PDGFC: variants seen among roughly 807,000 people sequenced by gnomAD.
The protein encoded by PDGFC is platelet derived growth factor C.
PDGFC carries 12 observed loss-of-function variants against 35.5 expected under a neutral mutation model. The ratio of observed to expected loss-of-function variants is 0.34; its 90% CI spans 0.22 to 0.55. The LOEUF (loss-of-function observed/expected upper bound fraction) is 0.55. Among genes scored for constraint, PDGFC ranks in the 20% least tolerant of loss-of-function variants. The pLI, the probability that PDGFC is intolerant of heterozygous loss-of-function variation, is 0.91. For synonymous variants in PDGFC, 159 were observed against 148.8 expected (o/e 1.07, Z -0.50); for missense variants, 322 against 412.4 (o/e 0.78, Z 1.90).
chr4:156,920,774 T>A lies in PDGFC; in HGVS notation c.118+50012A>T, dbSNP rs139852086. 3.5e-3 allele frequency among the ~76,000 whole-genome samples: 528 copies of A among 152,238 alleles called. 4 individuals are homozygous for A. Among genetic ancestry groups the A allele is most frequent in the African/African-American group, 0.012 (499 of 41,552 alleles). ...TCTGGCCAAGCCTAAATAAAAACTA[T>A]AATTGCCAACCTTTTTCTACTTTTC... is the stretch of plus-strand genomic sequence containing the variant. On this transcript the variant is annotated intron_variant, in intron 1 of 5. Transcript: ENST00000502773.
intron 1 of PDGFC, among the ~76,000 whole-genome samples, chr4:156,927,229 T>A (rs1731436207): frequency 6.6e-6 from 1 of 152,104 alleles, no homozygotes; most frequent in African/African-American, 2.4e-5. Flanking sequence ...TTTTTCCTCC[T>A]AGGTTTCCAG....
At chr4:156,831,736 C>T (rs1242144702) in intron 2 of PDGFC, among the ~76,000 whole-genome samples, 2 of 151,820 alleles carry the variant, frequency 1.3e-5, no homozygotes, top group Non-Finnish European at 2.9e-5. Context: ...GCTACCACAC[C>T]CGGCCAACCC....
In PDGFC at chr4:156,875,726, T is replaced by C. The variant is rs111622834; in HGVS notation, c.119-25310A>G. On this transcript the variant is annotated intron_variant, in intron 1 of 5. Coordinates refer to ENST00000502773, the MANE Select transcript of PDGFC (RefSeq NM_016205.3). Reference sequence around the variant, plus strand: ...TGAGGTCAGGAGTTTGAGAACAGACTGGCCAACATGGTGAAACCCCATCTC... The same window carrying C: ...TGAGGTCAGGAGTTTGAGAACAGACCGGCCAACATGGTGAAACCCCATCTC... Among the ~76,000 whole-genome samples, 715 of 152,220 alleles carry C rather than the reference T, an allele frequency of 4.7e-3. 4 individuals are homozygous for C. Among genetic ancestry groups the C allele is most frequent in the African/African-American group, 0.016 (661 of 41,550 alleles).
At chr4:156,901,167 G>T (rs1730772616) in intron 1 of PDGFC, among the ~76,000 whole-genome samples, 1 of 152,094 alleles carries the variant, frequency 6.6e-6, no homozygotes. Context: ...CCCACCCATA[G>T]AGATTCCATT....
At chr4:156,840,167 T>C (rs1240150614) in intron 2 of PDGFC, among the ~76,000 whole-genome samples, 2 of 152,122 alleles carry the variant, frequency 1.3e-5, no homozygotes, top group Non-Finnish European at 2.9e-5. Context: ...CCAGGGAATG[T>C]CACAGACCTT....
chr4:156,868,304 AAATT>A (rs1276708229), intron 1 of PDGFC, among the ~76,000 whole-genome samples: 1 of 152,244 alleles, frequency 6.6e-6, no homozygotes, highest in Non-Finnish European at 1.5e-5. Context: ...ATGTAATGCA[AAATT>A]AATTGTTGAG....
chr4:156,896,337 A>G (rs1730632994), intron 1 of PDGFC, among the ~76,000 whole-genome samples: 1 of 152,208 alleles, frequency 6.6e-6, no homozygotes, highest in African/African-American at 2.4e-5. Flanking sequence ...AGATGCTTTC[A>G]TAAGTCCATT....
intron 1 of PDGFC, among the ~76,000 whole-genome samples, chr4:156,872,422 C>G (rs150765022): frequency 6.6e-6 from 1 of 152,118 alleles, no homozygotes; most frequent in African/African-American, 2.4e-5. Flanking sequence ...TTGATGCACT[C>G]CAATTGGAAC....
chr4:156,797,238 AAAAAAAAAAAG>A (rs1478556784), intron 3 of PDGFC, among the ~76,000 whole-genome samples: 1 of 147,992 alleles, frequency 6.8e-6, no homozygotes, highest in African/African-American at 2.5e-5. Context: ...AATCAGTCTA[AAAAAAAAAAAG>A]AAAAAAAAAA....
chr4:156,902,196 C>A (rs898976697), intron 1 of PDGFC, among the ~76,000 whole-genome samples: 1 of 152,208 alleles, frequency 6.6e-6, no homozygotes, highest in African/African-American at 2.4e-5. Flanking sequence ...CTGTCTTCTA[C>A]ATATCTTGTT....
intron 1 of PDGFC, among the ~76,000 whole-genome samples, chr4:156,944,775 C>T (rs1477172160): frequency 6.6e-6 from 1 of 152,112 alleles, no homozygotes; most frequent in Non-Finnish European, 1.5e-5. Context: ...AAGTCACTAT[C>T]ACGGCATTTG....
rs59421806 is a variant in PDGFC, at chr4:156,826,174, A to ATTTTTTTTTTTTT, written c.315-15170_315-15158dup. Among the ~76,000 whole-genome samples, 38 of 43,788 alleles carry ATTTTTTTTTTTTT rather than the reference A, an allele frequency of 8.7e-4. 6 individuals carry two copies. Among genetic ancestry groups the ATTTTTTTTTTTTT allele is most frequent in the South Asian group, 1.5e-3 (1 of 670 alleles). The allele number at this position is 43,788 out of a possible 152,430, so 28.7% of individuals were successfully genotyped here. On this transcript the variant is annotated intron_variant, in intron 2 of 5. Transcript: ENST00000502773. ...GCCACCATATCCAGCTTTGAGTTGG[A>ATTTTTTTTTTTTT]TTTTTTTTTTTTTTTTTTTTTTTTT...
At chr4:156,763,801 C>A (rs1326861875) in intron 5 of PDGFC, among the ~76,000 whole-genome samples, 1 of 152,150 alleles carries the variant, frequency 6.6e-6, no homozygotes, top group Admixed American at 6.5e-5. Flanking sequence ...TAACTTCCTG[C>A]AGCTGGATCC....
chr4:156,901,691 C>T (rs1235766584), intron 1 of PDGFC, among the ~76,000 whole-genome samples: 1 of 152,092 alleles, frequency 6.6e-6, no homozygotes, highest in Non-Finnish European at 1.5e-5. Flanking sequence ...GGCACGATCT[C>T]AGCTCACTGC....
rs552640148 is a variant in PDGFC at position 156,820,843 on chromosome 4, A to G, written c.315-9826T>C. Reference sequence around the variant, plus strand: ...AAATCAAGGTAAAACATTATTCAACAGAAACTAGAGGCAGTATATTGGATC... The same window carrying G: ...AAATCAAGGTAAAACATTATTCAACGGAAACTAGAGGCAGTATATTGGATC... On this transcript the variant is annotated intron_variant, in intron 2 of 5. Transcript: ENST00000502773. Among the ~76,000 whole-genome samples, 42 of 152,378 alleles carry G rather than the reference A, an allele frequency of 2.8e-4. No individual in the cohort carries two copies. In the South Asian group the frequency reaches 8.1e-3, roughly 29 times the overall value.
At chr4:156,935,625 G>A (rs1429667332) in intron 1 of PDGFC, among the ~76,000 whole-genome samples, 1 of 152,144 alleles carries the variant, frequency 6.6e-6, no homozygotes, top group African/African-American at 2.4e-5. Context: ...TGGTTATGCA[G>A]CACATGACTA....
intron 2 of PDGFC, among the ~76,000 whole-genome samples, chr4:156,835,659 T>C (rs1360012223): frequency 6.6e-6 from 1 of 152,212 alleles, no homozygotes; most frequent in African/African-American, 2.4e-5. Context: ...CCTATTATAT[T>C]TTAAGCACAC....
At chr4:156,931,812 G>GT (rs373094582) in intron 1 of PDGFC, among the ~76,000 whole-genome samples, 125 of 148,624 alleles carry the variant, frequency 8.4e-4, no homozygotes, top group African/African-American at 1.4e-3. Flanking sequence ...ATTTATAGGA[G>GT]TTTTTTTTTT....
At chr4:156,769,710 T>C (rs187171482) in intron 4 of PDGFC, among the ~76,000 whole-genome samples, 1 of 152,028 alleles carries the variant, frequency 6.6e-6, no homozygotes, top group Non-Finnish European at 1.5e-5. Flanking sequence ...TTATCCCTAA[T>C]AAAAGTAATG....
Sources: gnomAD v4.1 joint callset for allele counts (sites outside exome capture counted in the v4.1 genomes callset) on GRCh38, gnomAD v4.1.1 for gene constraint, MANE v1.5 for transcripts, NCBI Gene and HGNC (gene_info 2026-07-23, HGNC 2026-07-21) for gene names.